Variants in DPP4 observed in about 807,000 individuals in gnomAD.
DPP4 encodes dipeptidyl peptidase 4, also known as ADCP-2.
DPP4 carries 93 observed loss-of-function variants against 122.4 expected under a neutral mutation model. That is an observed-to-expected ratio of 0.76 (90% CI 0.64 to 0.90). The LOEUF is 0.90. Ranked by LOEUF, DPP4 falls within the 40% of genes least tolerant of loss-of-function variation. The pLI is 0.00. For synonymous variants in DPP4, 321 were observed against 302.9 expected (o/e 1.06, Z -0.62); for missense variants, 914 against 907.3 (o/e 1.01, Z -0.09).
chr2:162,019,262 T>C lies in DPP4; in HGVS notation c.1259A>G (p.Asn420Ser). Residue 420 changes from asparagine (N) to serine (S), a missense_variant, in exon 15 of 26, where the codon AAT becomes AGT. Transcript: ENST00000360534. ...LTSDYLYYIS[N>S]EYKGMPGGRN... ...TCCTCCTGGCATTCCTTTATATTCATTACTAATGTAGTATCTAGGAAGAGA... is the reference window on the plus strand; with the variant it reads ...TCCTCCTGGCATTCCTTTATATTCACTACTAATGTAGTATCTAGGAAGAGA... The C allele has an allele frequency of 6.4e-7, 1 of 1,573,570 alleles. No homozygotes were observed. Among genetic ancestry groups the C allele is most frequent in the Non-Finnish European group, 8.7e-7 (1 of 1,147,294 alleles).
chr2:162,018,640 A>G, intron 16 of DPP4, 89 bp downstream of exon 16: 1 of 1,494,738 alleles, frequency 6.7e-7, no homozygotes, highest in Non-Finnish European at 9.0e-7. Context: ...TGATTTCAAG[A>G]GCTCCTCAGA....
chr2:161,998,376 A>G (rs537337417), intron 23 of DPP4, among the ~76,000 whole-genome samples: 2 of 152,148 alleles, frequency 1.3e-5, no homozygotes, highest in Non-Finnish European at 2.9e-5. Context: ...CTCAGCCTGC[A>G]CTGACTTCCT....
intron 21 of DPP4, 128 bp downstream of exon 21, chr2:162,009,113 T>C: frequency 1.1e-6 from 1 of 930,850 alleles, no homozygotes; most frequent in Non-Finnish European, 1.7e-6. Flanking sequence ...GCAGAGTTAC[T>C]GCCCAGAGAC....
At chr2:162,051,932 G>T (rs1684396852) in intron 2 of DPP4, among the ~76,000 whole-genome samples, 1 of 152,192 alleles carries the variant, frequency 6.6e-6, no homozygotes, top group South Asian at 2.1e-4. Flanking sequence ...TTGAAAGATG[G>T]TGTCCCATCC....
rs367803685 is a variant in DPP4 at position 162,005,780 on chromosome 2, G to A, written c.2017C>T (p.Leu673Phe). The A allele has an allele frequency of 6.2e-7, 1 of 1,612,900 alleles. No individual in the cohort carries two copies. The change falls in exon 23 of 26, where the codon CTC (leucine) becomes TTC (phenylalanine). Residue 673 changes from leucine to phenylalanine, a missense_variant. Physicochemically the swap from Leu to Phe is conservative, Grantham distance 22 (BLOSUM62 0). Coordinates refer to ENST00000360534, the MANE Select transcript of DPP4 (RefSeq NM_001935.4). ...DSVYTERYMG[L>F]PTPEDNLDHY... ...TCAAGGTTGTCTTCTGGAGTTGGGAGACCCATGTAACGTTCTGTGTACACT... is the reference window on the plus strand; with the variant it reads ...TCAAGGTTGTCTTCTGGAGTTGGGAAACCCATGTAACGTTCTGTGTACACT...
intron 12 of DPP4, chr2:162,021,400 G>A (rs1193060991): frequency 8.5e-5 from 13 of 152,138 alleles, no homozygotes; most frequent in Non-Finnish European, 1.6e-4. Context: ...TTAAGTAGAA[G>A]AGAGTCTATC....
Position 162,039,019 on chromosome 2 carries a change from T to C in DPP4, c.422A>G (p.Gln141Arg), listed in dbSNP as rs201137953. ...SYDIYDLNKR[Q>R]LITEERIPNN... is the part of the protein sequence containing the mutation. ...TGGAATCCTCTCTTCTGTAATCAGC[T>C]GCCTGGAAAAAAGATGAAAGGAAAT... The change falls in exon 7 of 26, where the codon CAG becomes CGG. Residue 141 changes from glutamine to arginine, a missense_variant and splice_region_variant. By Grantham distance (43) the Gln-to-Arg change is conservative. Coordinates refer to ENST00000360534, the MANE Select transcript of DPP4 (RefSeq NM_001935.4). The C allele has an allele frequency of 2.5e-6, 4 of 1,613,366 alleles. No individual in the cohort carries two copies. The highest frequency in any genetic ancestry group is 3.4e-6 in the Non-Finnish European group (4 of 1,179,466).
intron 2 of DPP4, among the ~76,000 whole-genome samples, chr2:162,059,857 A>C (rs1684701741): frequency 6.6e-6 from 1 of 152,214 alleles, no homozygotes; most frequent in African/African-American, 2.4e-5. Context: ...CAAACAAACA[A>C]AAAATGTTAT....
intron 14 of DPP4, 149 bp downstream of exon 14, chr2:162,020,080 G>T: frequency 1.6e-6 from 1 of 641,490 alleles, no homozygotes; most frequent in Non-Finnish European, 2.6e-6. Flanking sequence ...AAATCATTAA[G>T]GCTTCCGTAT....
At chr2:162,067,156 T>C (rs1218271132) in intron 2 of DPP4, among the ~76,000 whole-genome samples, 1 of 76,234 alleles carries the variant, frequency 1.3e-5, no homozygotes, top group African/African-American at 5.6e-5. Context: ...GTTTTATGCC[T>C]GGAATCAAAT....
At chr2:161,996,676 T>C (rs912802224) in intron 23 of DPP4, among the ~76,000 whole-genome samples, 45 of 152,282 alleles carry the variant, frequency 3.0e-4, no homozygotes, top group African/African-American at 1.1e-3. Flanking sequence ...CAATAAGATA[T>C]TTTGAGAGAG....
Position 162,019,286 on chromosome 2 carries a change from G to A in DPP4, c.1245-10C>T. 1 of 1,458,768 alleles carries A rather than the reference G, an allele frequency of 6.9e-7. No homozygotes were observed. Among genetic ancestry groups the A allele is most frequent in the Admixed American group, 1.9e-5 (1 of 52,192 alleles). The allele number at this position is 1,458,768 out of a possible 1,614,324, so 90.4% of individuals were successfully genotyped here. On this transcript the variant is annotated splice_polypyrimidine_tract_variant and intron_variant, in intron 14 of 25. Transcript: ENST00000360534. ...ATTACTAATGTAGTATCTAGGAAGAGAAAAAAATGAAATATATATTAATTA... is the reference window on the plus strand; with the variant it reads ...ATTACTAATGTAGTATCTAGGAAGAAAAAAAAATGAAATATATATTAATTA...
At chr2:162,024,581 C>A (rs536341291) in intron 11 of DPP4, among the ~76,000 whole-genome samples, 4 of 152,184 alleles carry the variant, frequency 2.6e-5, no homozygotes, top group Admixed American at 6.5e-5. Flanking sequence ...GTATCCATAA[C>A]TAAAACAGTA....
intron 2 of DPP4, among the ~76,000 whole-genome samples, chr2:162,063,632 A>G (rs2106155626): frequency 6.6e-6 from 1 of 152,124 alleles, no homozygotes; most frequent in Middle Eastern, 3.4e-3. Context: ...GCAACTCCCA[A>G]TCTGCAACAC....
intron 2 of DPP4, among the ~76,000 whole-genome samples, chr2:162,072,688 C>G (rs1412582817): frequency 1.3e-5 from 2 of 152,174 alleles, no homozygotes; most frequent in African/African-American, 4.8e-5. Flanking sequence ...TTGCATCCTA[C>G]AGTGAGTATT....
In DPP4 at chr2:162,024,818, A is replaced by G. The variant is rs775474377; in HGVS notation, c.1009T>C (p.Trp337Arg). Reference protein sequence around the residue: ...ICDYDESSGRWNCLVARQHIE... With the variant: ...ICDYDESSGRRNCLVARQHIE... ...TTCAGTCTCACCACTAAGCAGTTCC[A>G]TCTTCCACTGGATTCATCATAGTCA... Residue 337 changes from tryptophan (W) to arginine (R), a missense_variant, in exon 11 of 26, where the codon TGG becomes CGG. By Grantham distance (101) the Trp-to-Arg change is moderately radical (BLOSUM62 -3). Transcript: ENST00000360534. 1.2e-6 allele frequency: 2 copies of G among 1,613,762 alleles called. No individual in the cohort carries two copies. The highest frequency in any genetic ancestry group is 1.3e-5 in the African/African-American group (1 of 75,048).
intron 16 of DPP4, among the ~76,000 whole-genome samples, chr2:162,018,217 G>C (rs1254634589): frequency 1.3e-5 from 2 of 152,180 alleles, no homozygotes; most frequent in African/African-American, 4.8e-5. Flanking sequence ...CTGGCACACT[G>C]TTTAAAAGGG....
chr2:162,065,107 G>A (rs2106157133), intron 2 of DPP4, among the ~76,000 whole-genome samples: 1 of 152,312 alleles, frequency 6.6e-6, no homozygotes, highest in South Asian at 2.1e-4. Flanking sequence ...CCTGAGAAAG[G>A]TGAGTCTTGA....
chr2:162,032,846 G>A (rs563629040), intron 10 of DPP4, among the ~76,000 whole-genome samples: 3 of 152,300 alleles, frequency 2.0e-5, no homozygotes, highest in African/African-American at 4.8e-5. Flanking sequence ...GCTCCATGGC[G>A]GAATTTCAAA....
Sources: allele counts gnomAD v4.1 joint callset (sites outside exome capture counted in the v4.1 genomes callset), GRCh38; gene constraint gnomAD v4.1.1; transcripts MANE v1.5; gene names NCBI Gene and HGNC (gene_info 2026-07-23, HGNC 2026-07-21).